The following GALNT13 variants were observed in gnomAD, a reference collection of about 807,000 sequenced individuals.
The protein encoded by GALNT13 is polypeptide N-acetylgalactosaminyltransferase 13.
Under a neutral mutation model 64.2 loss-of-function variants are expected in GALNT13, and 28 were observed. The observed-to-expected ratio is 0.44, with a 90% CI of 0.32 to 0.60. The LOEUF is 0.60. Ranked by LOEUF, GALNT13 falls within the 20% of genes least tolerant of loss-of-function variation. GALNT13 has a pLI of 0.05. For synonymous variants in GALNT13, 214 were observed against 224.6 expected, an observed-to-expected ratio of 0.95 and a Z score of 0.42; for missense variants, 577 against 669.8, an observed-to-expected ratio of 0.86 and a Z score of 1.53.
chr2:154,330,358 G>T (rs576209296), intron 9 of GALNT13, among the ~76,000 whole-genome samples: 1 of 152,196 alleles, frequency 6.6e-6, no homozygotes, highest in Non-Finnish European at 1.5e-5. Flanking sequence ...AGTCAAATTT[G>T]CAGTGCCTTC....
At chr2:153,264,768 G>A in the GALNT13 span, among the ~76,000 whole-genome samples, 52,186 of 151,946 alleles carry the variant, frequency 0.34, 9,186 homozygotes, top group Middle Eastern at 0.51. Context: ...ATGGACACAG[G>A]GAGGGGAACA....
At chr2:153,534,522 C>A in the GALNT13 span, among the ~76,000 whole-genome samples, 1 of 141,322 alleles carries the variant, frequency 7.1e-6, no homozygotes, top group Non-Finnish European at 1.5e-5. Context: ...CTCTTTCTTT[C>A]TTTCTTTTTT....
chr2:153,224,631 GAA>G, the GALNT13 span, among the ~76,000 whole-genome samples: 1 of 152,130 alleles, frequency 6.6e-6, no homozygotes, highest in African/African-American at 2.4e-5. Flanking sequence ...GAAAGAGAGA[GAA>G]GACACAAATT....
intron 3 of GALNT13, among the ~76,000 whole-genome samples, chr2:153,957,322 G>T (rs895965065): frequency 2.0e-5 from 3 of 152,144 alleles, no homozygotes; most frequent in Admixed American, 2.0e-4. Context: ...GTAGCAAACA[G>T]CATTGCTCAA....
the GALNT13 span, among the ~76,000 whole-genome samples, chr2:153,346,151 C>T: frequency 7.0e-3 from 1,067 of 152,124 alleles, 14 homozygotes; most frequent in African/African-American, 0.024. Context: ...TCTTGAACTC[C>T]GAAGCTCCAG....
chr2:153,634,384 A>C, the GALNT13 span, among the ~76,000 whole-genome samples: 3 of 152,022 alleles, frequency 2.0e-5, no homozygotes, highest in African/African-American at 7.2e-5. Flanking sequence ...TTCTGATAAT[A>C]CACTGATGGG....
chr2:154,140,547 A>C (rs376882973), intron 4 of GALNT13, 42 bp downstream of exon 4: 2 of 1,372,922 alleles, frequency 1.5e-6, no homozygotes. Context: ...ATTCATAATC[A>C]CCATATTTCA....
At chr2:154,411,950 T>G (rs1699814832) in intron 11 of GALNT13, among the ~76,000 whole-genome samples, 1 of 151,706 alleles carries the variant, frequency 6.6e-6, no homozygotes, top group Non-Finnish European at 1.5e-5. Flanking sequence ...ACTAGGAAAA[T>G]TCATTAAAAA....
the GALNT13 span, among the ~76,000 whole-genome samples, chr2:153,513,710 G>A: frequency 6.6e-6 from 1 of 152,150 alleles, no homozygotes; most frequent in East Asian, 1.9e-4. Context: ...ATGGGTTTGG[G>A]ATCTAGCTGA....
the GALNT13 span, among the ~76,000 whole-genome samples, chr2:153,796,281 G>C: frequency 6.6e-6 from 1 of 152,220 alleles, no homozygotes; most frequent in African/African-American, 2.4e-5. Context: ...CGCAAGAAGA[G>C]AGAAAACACA....
chr2:153,904,920 C>T (rs1345174044), intron 2 of GALNT13, among the ~76,000 whole-genome samples: 1 of 151,828 alleles, frequency 6.6e-6, no homozygotes, highest in Non-Finnish European at 1.5e-5. Flanking sequence ...CCTTCGCCCA[C>T]TGTTCTTTAA....
At chr2:153,222,332 T>TGGGGGGGGGGGGGGGGGGGGG in the GALNT13 span, among the ~76,000 whole-genome samples, 4 of 103,788 alleles carry the variant, frequency 3.9e-5, no homozygotes, top group South Asian at 3.8e-4. Context: ...GGGGGTGGGG[T>TGGGGGGGGGGGGGGGGGGGGG]GGGGGGGGGG....
chr2:154,112,660 A>C (rs968857615), intron 3 of GALNT13, among the ~76,000 whole-genome samples: 1 of 152,204 alleles, frequency 6.6e-6, no homozygotes, highest in African/African-American at 2.4e-5. Flanking sequence ...AATCAGGTGC[A>C]CTGCTTGAAG....
the GALNT13 span, among the ~76,000 whole-genome samples, chr2:153,193,326 C>A: frequency 6.6e-6 from 1 of 151,412 alleles, no homozygotes; most frequent in Admixed American, 6.6e-5. Flanking sequence ...GGAAATCATT[C>A]TCAGTAAACT....
At chr2:153,534,018 C>T in the GALNT13 span, among the ~76,000 whole-genome samples, 34 of 151,954 alleles carry the variant, frequency 2.2e-4, no homozygotes, top group East Asian at 7.8e-4. Flanking sequence ...GGATTACAGG[C>T]GTGAGCCACC....
At chr2:153,251,932 C>T in the GALNT13 span, among the ~76,000 whole-genome samples, 3 of 151,808 alleles carry the variant, frequency 2.0e-5, no homozygotes, top group African/African-American at 7.3e-5. Flanking sequence ...AATAAACATA[C>T]GTGTGCCTGT....
At chr2:153,372,834 C>A in the GALNT13 span, among the ~76,000 whole-genome samples, 67 of 152,104 alleles carry the variant, frequency 4.4e-4, no homozygotes, top group African/African-American at 1.6e-3. Flanking sequence ...GTATTGGCAC[C>A]ATCATGCTGG....
At chr2:153,076,971 A>T in the GALNT13 span, among the ~76,000 whole-genome samples, 1 of 151,496 alleles carries the variant, frequency 6.6e-6, no homozygotes, top group African/African-American at 2.4e-5. Context: ...ATTTATTTTT[A>T]GACAGAGTCT....
intron 2 of GALNT13, among the ~76,000 whole-genome samples, chr2:153,925,231 A>G (rs1008010235): frequency 6.6e-6 from 1 of 152,054 alleles, no homozygotes; most frequent in Non-Finnish European, 1.5e-5. Context: ...ATTTTTGTAT[A>G]TGGTATAAGG....
Sources: gnomAD v4.1 joint callset for allele counts (sites outside exome capture counted in the v4.1 genomes callset) on GRCh38, gnomAD v4.1.1 for gene constraint, MANE v1.5 for transcripts, NCBI Gene and HGNC (gene_info 2026-07-23, HGNC 2026-07-21) for gene names.